Variants in TFDP2 observed in about 807,000 individuals in gnomAD.
TFDP2 encodes transcription factor Dp-2, also known as transcription factor Dp-2 (E2F dimerization partner 2).
In TFDP2, 17 loss-of-function variants were observed where a neutral mutation model predicts 59.3. The observed-to-expected ratio is 0.29, with a 90% CI of 0.20 to 0.43. The LOEUF is 0.43. Ranked by LOEUF, TFDP2 falls within the 20% of genes least tolerant of loss-of-function variation. The probability of loss-of-function intolerance (pLI) is 1.00; values close to 1 mark genes in which losing one functional copy is unlikely to be tolerated. For missense variants in TFDP2, 391 were observed against 528.8 expected (o/e 0.74, Z 2.56); for synonymous variants, 180 against 194.7 (o/e 0.92, Z 0.63).
At chr3:142,136,551 T>G (rs1317235300) in intron 1 of TFDP2, among the ~76,000 whole-genome samples, 1 of 152,094 alleles carries the variant, frequency 6.6e-6, no homozygotes, top group African/African-American at 2.4e-5. Flanking sequence ...TTTATGGTTT[T>G]AGGTCTAACA....
chr3:142,113,159 C>T (rs1416880593), intron 1 of TFDP2, among the ~76,000 whole-genome samples: 2 of 152,224 alleles, frequency 1.3e-5, no homozygotes, highest in Non-Finnish European at 2.9e-5. Flanking sequence ...TTAGCAAAGT[C>T]TCATTTCCAG....
At chr3:142,142,974 G>A (rs139645721) in intron 1 of TFDP2, among the ~76,000 whole-genome samples, 1 of 152,334 alleles carries the variant, frequency 6.6e-6, no homozygotes, top group African/African-American at 2.4e-5. Flanking sequence ...GGTGGCTCAC[G>A]CCTGTAATCC....
rs546069240 is a variant in TFDP2, at chr3:142,118,049, G to A, written c.-92-16208C>T. On this transcript the variant is annotated intron_variant, in intron 1 of 12. Transcript: ENST00000489671. Reference sequence around the variant, plus strand: ...GGAGGCGGAGGTTGCAGTGAGGTGAGATCGCACCACTGCACTCCAGCCTGG... The same window carrying A: ...GGAGGCGGAGGTTGCAGTGAGGTGAAATCGCACCACTGCACTCCAGCCTGG... 1.8e-4 allele frequency among the ~76,000 whole-genome samples: 28 copies of A among 152,268 alleles called. 2 individuals carry two copies. The South Asian group carries it at 3.7e-3, about 20-fold the overall frequency.
intron 3 of TFDP2, among the ~76,000 whole-genome samples, chr3:142,008,967 C>T (rs758420204): frequency 2.6e-5 from 4 of 152,116 alleles, no homozygotes; most frequent in Non-Finnish European, 5.9e-5. Flanking sequence ...GTAGTGAAGC[C>T]GACAGCTCCA....
chr3:142,069,027 T>C (rs954395756), intron 3 of TFDP2, among the ~76,000 whole-genome samples: 3 of 152,058 alleles, frequency 2.0e-5, no homozygotes, highest in Non-Finnish European at 4.4e-5. Flanking sequence ...CTGATTCTCC[T>C]GCCTCAGTCT....
At chr3:141,999,768 C>T (rs1943603103) in intron 4 of TFDP2, among the ~76,000 whole-genome samples, 1 of 147,730 alleles carries the variant, frequency 6.8e-6, no homozygotes, top group South Asian at 2.1e-4. Context: ...CGGAGTCTGG[C>T]TCTGTTGCCT....
chr3:142,084,887 CAG>C (rs2060760460), intron 3 of TFDP2, among the ~76,000 whole-genome samples: 1 of 151,664 alleles, frequency 6.6e-6, no homozygotes, highest in Admixed American at 6.6e-5. Flanking sequence ...CAAAAAAAAA[CAG>C]AAAGAATAAA....
At chr3:142,037,052 T>A (rs1451948051) in intron 3 of TFDP2, among the ~76,000 whole-genome samples, 1 of 152,180 alleles carries the variant, frequency 6.6e-6, no homozygotes, top group Non-Finnish European at 1.5e-5. Flanking sequence ...ACATAAAATA[T>A]ATTAAATATC....
chr3:142,028,640 A>C (rs1215177156), intron 3 of TFDP2: 1 of 985,386 alleles, frequency 1.0e-6, no homozygotes. Flanking sequence ...CTTTGTTACC[A>C]TTCAGTGGAA....
chr3:141,961,389 G>A (rs959744042), intron 10 of TFDP2, among the ~76,000 whole-genome samples: 5 of 151,708 alleles, frequency 3.3e-5, no homozygotes, highest in East Asian at 1.9e-4. Flanking sequence ...GAGTACAGGC[G>A]CGTGCCACCA....
At position 142,045,612 on chromosome 3, in the gene TFDP2, CTTT is replaced by C. The variant is rs10587862; in HGVS notation, c.83-40071_83-40069del. 4.8e-3 allele frequency among the ~76,000 whole-genome samples: 636 copies of C among 131,938 alleles called. 1 individual carries two copies. Among genetic ancestry groups the C allele is most frequent in the African/African-American group, 8.4e-3 (294 of 35,004 alleles). The allele number at this position is 131,938 out of a possible 152,430, so 86.6% of individuals were successfully genotyped here. The stretch of plus-strand genomic sequence containing the variant: ...CTCTGTCCACCTAGGTATTATTTGA[CTTT>C]TTTTTTTTTTTTTTTTAGACCAAGT... On this transcript the variant is annotated intron_variant, in intron 3 of 12. Transcript: ENST00000489671.
chr3:141,985,999 T>C (rs1234891807), intron 6 of TFDP2, among the ~76,000 whole-genome samples: 2 of 152,194 alleles, frequency 1.3e-5, no homozygotes, highest in East Asian at 1.9e-4. Context: ...ATACATTGTT[T>C]ATGGGAATGT....
intron 1 of TFDP2, among the ~76,000 whole-genome samples, chr3:142,107,215 T>C (rs754534116): frequency 2.6e-5 from 4 of 151,772 alleles, no homozygotes; most frequent in Non-Finnish European, 5.9e-5. Flanking sequence ...AATTAGAAGA[T>C]ATTTTCTTTT....
chr3:141,969,481 C>T (rs1179632730), intron 9 of TFDP2, among the ~76,000 whole-genome samples: 4 of 150,964 alleles, frequency 2.6e-5, no homozygotes, highest in South Asian at 2.1e-4. Flanking sequence ...GGCATGGTGG[C>T]GGGTACTTGT....
At chr3:142,130,968 G>C (rs1369769315) in intron 1 of TFDP2, among the ~76,000 whole-genome samples, 1 of 145,100 alleles carries the variant, frequency 6.9e-6, no homozygotes, top group Non-Finnish European at 1.5e-5. Context: ...CAGGAGAATC[G>C]CTTGAACGCA....
At chr3:142,034,132 G>C (rs1456876724) in intron 3 of TFDP2, among the ~76,000 whole-genome samples, 6 of 116,952 alleles carry the variant, frequency 5.1e-5, no homozygotes, top group Non-Finnish European at 1.0e-4. Flanking sequence ...TTTTGCTCCT[G>C]TTGCCCAGGC....
chr3:141,994,769 G>A, intron 5 of TFDP2: 1 of 303,076 alleles, frequency 3.3e-6, no homozygotes, highest in Non-Finnish European at 6.0e-6. Flanking sequence ...AATAAAAGTA[G>A]TCCTATTCCA....
chr3:142,102,432 C>G (rs1261598454), intron 1 of TFDP2, among the ~76,000 whole-genome samples: 1 of 152,074 alleles, frequency 6.6e-6, no homozygotes, highest in Non-Finnish European at 1.5e-5. Context: ...TCCAGGATTA[C>G]TGGGGCTAAA....
chr3:142,073,461 C>CA (rs1453576995), intron 3 of TFDP2, among the ~76,000 whole-genome samples: 6 of 55,322 alleles, frequency 1.1e-4, no homozygotes, highest in Admixed American at 2.1e-4. Context: ...CAAACAACCC[C>CA]CCCCCCCCCG....
Sources: allele counts gnomAD v4.1 joint callset (sites outside exome capture counted in the v4.1 genomes callset), GRCh38; gene constraint gnomAD v4.1.1; transcripts MANE v1.5; gene names NCBI Gene and HGNC (gene_info 2026-07-23, HGNC 2026-07-21).